Variants in COL4A1 observed in about 807,000 individuals in gnomAD.
The protein encoded by COL4A1 is collagen type IV alpha 1 chain, also known as collagen alpha-1(IV) chain.
COL4A1 carries 40 observed loss-of-function variants against 216.6 expected under a neutral mutation model. The observed-to-expected ratio is 0.18, with a 90% CI of 0.14 to 0.24. The LOEUF (loss-of-function observed/expected upper bound fraction) is 0.24, where lower values mean the gene tolerates loss of function less well. COL4A1 is among the 10% of genes least tolerant of loss of function. The pLI is 1.00. For missense variants in COL4A1, 1,628 were observed against 2,196.8 expected (o/e 0.74, Z 5.18); for synonymous variants, 839 against 810.7 (o/e 1.03, Z -0.59).
At chr13:110,247,836 G>GTGT (rs1566411252) in intron 1 of COL4A1, among the ~76,000 whole-genome samples, 6,111 of 78,456 alleles carry the variant, frequency 0.078, 464 homozygotes, top group Middle Eastern at 0.1. Flanking sequence ...TGTGTGTGTG[G>GTGT]CAGAGAGAGA....
chr13:110,221,767 G>A (rs1303465200), intron 2 of COL4A1, among the ~76,000 whole-genome samples: 1 of 152,110 alleles, frequency 6.6e-6, no homozygotes, highest in Admixed American at 6.6e-5. Flanking sequence ...GCAGTACTCC[G>A]TTTCAAATAT....
rs537902801 is a variant in COL4A1, at chr13:110,292,066, C to T, written c.84+14878G>A. Among the ~76,000 whole-genome samples, 101 of 152,296 alleles carry T rather than the reference C, an allele frequency of 6.6e-4. 3 individuals carry two copies. The South Asian group carries it at 0.019, about 28-fold the overall frequency. On this transcript the variant is annotated intron_variant, in intron 1 of 51. Coordinates refer to ENST00000375820, the MANE Select transcript of COL4A1 (RefSeq NM_001845.6). ...CATTCGCCAAAACTGTCTTTCCGAC[C>T]GATTTTCCCACCACCCTCAGAAGTG...
At chr13:110,276,811 G>C (rs1206564165) in intron 1 of COL4A1, among the ~76,000 whole-genome samples, 3 of 152,178 alleles carry the variant, frequency 2.0e-5, no homozygotes, top group Admixed American at 1.3e-4. Context: ...AAGATACCGG[G>C]TGCCTTAACT....
rs191007073 is a variant in COL4A1 at position 110,305,556 on chromosome 13, T to G, written c.84+1388A>C. ...ATCTCACCTTGGAAGCGTTCAATCT[T>G]TTGGTCAATATTTCTAGACCAAAAT... On this transcript the variant is annotated intron_variant, in intron 1 of 51. Transcript: ENST00000375820. Among the ~76,000 whole-genome samples, 912 of 152,372 alleles carry G rather than the reference T, an allele frequency of 6.0e-3. 31 individuals are homozygous for G. The highest frequency in any genetic ancestry group is 0.054 in the Admixed American group (832 of 15,306).
chr13:110,209,445 T>A lies in COL4A1; in HGVS notation c.616-18A>T, dbSNP rs761870413. The A allele has an allele frequency of 1.3e-6, 2 of 1,570,028 alleles. No individual in the cohort carries two copies. The highest frequency in any genetic ancestry group is 2.3e-5 in the South Asian group (2 of 86,824). ...GGGGGACCCTGGGAGAGACAGCATT[T>A]TAATTAAATAGGATTCAGAACTCTA... On this transcript the variant is annotated intron_variant, in intron 10 of 51. Transcript: ENST00000375820.
Position 110,166,310 on chromosome 13 carries a change from G to A in COL4A1, c.3950-7C>T, listed in dbSNP as rs1266276067. 5 of 1,594,660 alleles carry A rather than the reference G, an allele frequency of 3.1e-6. No homozygotes were observed. Among genetic ancestry groups the A allele is most frequent in the Non-Finnish European group, 4.3e-6 (5 of 1,162,398 alleles). The stretch of plus-strand genomic sequence containing the variant: ...CCAGGAAGACCTTTTGGACCTAAAA[G>A]CAGAGGGAAAGCACTGTCTTGCACA... On this transcript the variant is annotated splice_region_variant and splice_polypyrimidine_tract_variant and intron_variant, in intron 44 of 51. Coordinates refer to ENST00000375820, the MANE Select transcript of COL4A1 (RefSeq NM_001845.6).
chr13:110,259,553 A>C (rs1388422385), intron 1 of COL4A1, among the ~76,000 whole-genome samples: 3 of 152,232 alleles, frequency 2.0e-5, no homozygotes, highest in African/African-American at 4.8e-5. Context: ...AACTGGCTTA[A>C]CATGAATTTT....
rs759877514 is a variant in COL4A1 at position 110,213,854 on chromosome 13, A to C, written c.235-28T>G. ...GGAACAGAATAGAAATGCCATTGTC[A>C]TTGATCACCGCTATCTCAAGAATGC... On this transcript the variant is annotated intron_variant, in intron 3 of 51. Coordinates refer to ENST00000375820, the MANE Select transcript of COL4A1 (RefSeq NM_001845.6). 3.8e-5 allele frequency: 62 copies of C among 1,613,882 alleles called. No individual in the cohort carries two copies. The South Asian group carries it at 6.5e-4, about 17-fold the overall frequency.
chr13:110,224,327 AT>A (rs1314357282), intron 2 of COL4A1, among the ~76,000 whole-genome samples: 32 of 152,292 alleles, frequency 2.1e-4, no homozygotes, highest in African/African-American at 6.7e-4. Flanking sequence ...TAAGAAAAAA[AT>A]ATATATGTTT....
chr13:110,262,338 C>A (rs896030594), intron 1 of COL4A1, among the ~76,000 whole-genome samples: 3 of 152,204 alleles, frequency 2.0e-5, no homozygotes, highest in African/African-American at 4.8e-5. Context: ...TCAGCCTTCC[C>A]AGTATACAAC....
intron 1 of COL4A1, among the ~76,000 whole-genome samples, chr13:110,263,008 G>A (rs981271981): frequency 6.6e-5 from 10 of 152,210 alleles, no homozygotes; most frequent in Admixed American, 2.0e-4. Flanking sequence ...ATCTGAACTT[G>A]GATCAAGTGA....
intron 1 of COL4A1, among the ~76,000 whole-genome samples, chr13:110,266,610 G>A (rs1051640715): frequency 6.6e-6 from 1 of 152,174 alleles, no homozygotes; most frequent in African/African-American, 2.4e-5. Context: ...GCAGTGCTAG[G>A]CTAACTGGCA....
At chr13:110,172,359 A>G (rs2139157967) in intron 41 of COL4A1, among the ~76,000 whole-genome samples, 1 of 152,360 alleles carries the variant, frequency 6.6e-6, no homozygotes, top group South Asian at 2.1e-4. Context: ...GGTGTGTGCT[A>G]CATACTGTCC....
chr13:110,159,898 G>A (rs938506762), intron 49 of COL4A1, among the ~76,000 whole-genome samples: 12 of 150,144 alleles, frequency 8.0e-5, no homozygotes, highest in Non-Finnish European at 1.3e-4. Context: ...GTGTCTACGG[G>A]GGTCAAATTC....
intron 24 of COL4A1, among the ~76,000 whole-genome samples, chr13:110,188,932 T>C (rs1255409766): frequency 6.6e-6 from 1 of 152,192 alleles, no homozygotes; most frequent in Non-Finnish European, 1.5e-5. Context: ...TCCAGAAGTA[T>C]GGAGAGAGTC....
intron 49 of COL4A1, among the ~76,000 whole-genome samples, chr13:110,158,598 A>G (rs928091032): frequency 1.1e-4 from 16 of 152,224 alleles, no homozygotes; most frequent in Admixed American, 5.9e-4. Context: ...TGATTTCTTT[A>G]AAGGGAATAT....
intron 18 of COL4A1, 63 bp downstream of exon 18, chr13:110,203,503 C>T: frequency 6.3e-7 from 1 of 1,591,344 alleles, no homozygotes. Flanking sequence ...CTCTCACAGA[C>T]CCAGGGTCCT....
chr13:110,199,033 GAAGA>G (rs1434596161), intron 20 of COL4A1, among the ~76,000 whole-genome samples: 1 of 152,228 alleles, frequency 6.6e-6, no homozygotes, highest in African/African-American at 2.4e-5. Flanking sequence ...TGGCAATCTA[GAAGA>G]AAGAGCAGAA....
intron 1 of COL4A1, among the ~76,000 whole-genome samples, chr13:110,263,217 G>A (rs971146438): frequency 6.6e-5 from 10 of 152,172 alleles, no homozygotes; most frequent in East Asian, 3.8e-4. Context: ...GTGAATTCAC[G>A]ACGGCCTTGG....
Sources: gnomAD v4.1 joint callset for allele counts (sites outside exome capture counted in the v4.1 genomes callset) on GRCh38, gnomAD v4.1.1 for gene constraint, MANE v1.5 for transcripts, NCBI Gene and HGNC (gene_info 2026-07-23, HGNC 2026-07-21) for gene names.